The following SIK3 variants were observed in gnomAD, a reference collection of about 807,000 sequenced individuals.
The protein encoded by SIK3 is SIK family kinase 3, also known as serine/threonine-protein kinase SIK3.
In SIK3, 28 loss-of-function variants were observed where a neutral mutation model predicts 144.2. The observed-to-expected ratio is 0.19, with a 90% CI of 0.14 to 0.27. The LOEUF is 0.27. Ranked by LOEUF, SIK3 falls within the 10% of genes least tolerant of loss-of-function variation. The probability of loss-of-function intolerance (pLI) is 1.00; values close to 1 mark genes in which losing one functional copy is unlikely to be tolerated. For missense variants in SIK3, 1,319 were observed against 1,776.0 expected (o/e 0.74, Z 4.62); for synonymous variants, 686 against 676.3 (o/e 1.01, Z -0.22).
chr11:117,017,035 G>A (rs12786797), intron 1 of SIK3, among the ~76,000 whole-genome samples: 23,707 of 152,166 alleles, frequency 0.16, 2,442 homozygotes, highest in Non-Finnish European at 0.23. Flanking sequence ...ATTATATAAC[G>A]CTAAAAACTA....
intron 1 of SIK3, among the ~76,000 whole-genome samples, chr11:117,058,155 G>C (rs1335474913): frequency 6.6e-6 from 1 of 152,114 alleles, no homozygotes; most frequent in African/African-American, 2.4e-5. Context: ...ATCTGAAAAA[G>C]GGCCAGTGAA....
intron 21 of SIK3, among the ~76,000 whole-genome samples, chr11:116,852,422 G>A (rs1942535840): frequency 6.6e-6 from 1 of 152,184 alleles, no homozygotes; most frequent in Admixed American, 6.5e-5. Context: ...CCTCAGCCAA[G>A]CTGGAGTTGA....
chr11:116,889,726 T>G (rs1223044799), intron 6 of SIK3, among the ~76,000 whole-genome samples: 1 of 152,036 alleles, frequency 6.6e-6, no homozygotes, highest in Admixed American at 6.6e-5. Context: ...TAAGATCCCA[T>G]CTCTACAAAA....
chr11:117,020,404 A>G (rs371957569), intron 1 of SIK3, among the ~76,000 whole-genome samples: 2 of 152,012 alleles, frequency 1.3e-5, no homozygotes, highest in African/African-American at 4.8e-5. Flanking sequence ...TTTGCTATTT[A>G]TAACAAGCCC....
In SIK3 at chr11:116,890,756, G is replaced by A. The variant is rs1189711355; in HGVS notation, c.865+5497C>T. Among the ~76,000 whole-genome samples the A allele has an allele frequency of 1.1e-4, 17 of 152,170 alleles. No individual in the cohort carries two copies. In the East Asian group the frequency reaches 3.3e-3, roughly 29 times the overall value. ...ATACAGGAGTGGGTGGAGTGGGGTG[G>A]GATAGGGAAGATGTATTCTCGGCAG... On this transcript the variant is annotated intron_variant, in intron 6 of 24. Transcript: ENST00000445177.
chr11:116,884,560 C>T (rs575603862), intron 6 of SIK3, among the ~76,000 whole-genome samples: 3 of 151,674 alleles, frequency 2.0e-5, no homozygotes, highest in Admixed American at 6.6e-5. Context: ...GGGGTTTCAC[C>T]GTGTTAGCCA....
Position 117,070,504 on chromosome 11 carries a change from T to C in SIK3, c.273+27639A>G, listed in dbSNP as rs190590981. On this transcript the variant is annotated intron_variant, in intron 1 of 24. Transcript: ENST00000445177. ...TCTTGTCGCCCAGGCTGGAGTGCAA[T>C]GGCACGATCTCGGCTCACTGCAACC... Among the ~76,000 whole-genome samples, 1,435 of 151,676 alleles carry C rather than the reference T, an allele frequency of 9.5e-3. 26 individuals are homozygous for C. The highest frequency in any genetic ancestry group is 0.033 in the African/African-American group (1,362 of 41,388).
intron 1 of SIK3, among the ~76,000 whole-genome samples, chr11:117,032,685 T>G (rs1302153293): frequency 6.6e-6 from 1 of 151,676 alleles, no homozygotes; most frequent in Non-Finnish European, 1.5e-5. Flanking sequence ...TTTTTTTTTT[T>G]TTTTTAAAAG....
chr11:116,846,124 G>A lies in SIK3; in HGVS notation c.*13+259C>T, dbSNP rs981898845. On this transcript the variant is annotated intron_variant, in intron 24 of 24. Coordinates refer to ENST00000445177, the MANE Select transcript of SIK3 (RefSeq NM_001366686.3). This position sits in a 1 kb window ranked among gnomAD's most constrained non-coding sequence, Gnocchi z 4.1. ...GAAGGCTAGAGCACCTGTAACACAC[G>A]GCGAGTCTTGTGTCTTATTCCCATA... Among the ~76,000 whole-genome samples, 3 of 152,180 alleles carry A rather than the reference G, an allele frequency of 2.0e-5. No homozygotes were observed. Among genetic ancestry groups the A allele is most frequent in the South Asian group, 4.2e-4 (2 of 4,818 alleles).
At chr11:117,059,765 A>G (rs1346254592) in intron 1 of SIK3, among the ~76,000 whole-genome samples, 1 of 152,232 alleles carries the variant, frequency 6.6e-6, no homozygotes, top group Non-Finnish European at 1.5e-5. Context: ...GCTAAACATC[A>G]TATGTTACTA....
Position 117,023,621 on chromosome 11 carries a change from A to AATATATATATATAT in SIK3, c.274-66571_274-66558dup, listed in dbSNP as rs1555131639. ...ACAAACAAACAAACAAAAAAAAAAA[A>AATATATATATATAT]ATATATATATATATATATATATATT... On this transcript the variant is annotated intron_variant, in intron 1 of 24. Coordinates refer to ENST00000445177, the MANE Select transcript of SIK3 (RefSeq NM_001366686.3). 1.3e-3 allele frequency among the ~76,000 whole-genome samples: 127 copies of AATATATATATATAT among 95,334 alleles called. 1 individual carries two copies. Among genetic ancestry groups the AATATATATATATAT allele is most frequent in the African/African-American group, 5.2e-3 (119 of 22,964 alleles). The allele number at this position is 95,334 out of a possible 152,430, so 62.5% of individuals were successfully genotyped here.
intron 4 of SIK3, among the ~76,000 whole-genome samples, chr11:116,915,810 T>C (rs1362805474): frequency 6.6e-6 from 1 of 152,240 alleles, no homozygotes; most frequent in East Asian, 1.9e-4. Context: ...TCAACATTAG[T>C]GTTCTTTATG....
At chr11:116,876,646 C>A (rs1326513404) in intron 7 of SIK3, among the ~76,000 whole-genome samples, 1 of 152,168 alleles carries the variant, frequency 6.6e-6, no homozygotes, top group Non-Finnish European at 1.5e-5. Context: ...AGGCGACATC[C>A]CCATGGTAGG....
intron 1 of SIK3, among the ~76,000 whole-genome samples, chr11:117,094,802 C>T (rs1955398552): frequency 6.6e-6 from 1 of 151,548 alleles, no homozygotes; most frequent in Non-Finnish European, 1.5e-5. Context: ...CAGAGAACCT[C>T]AGGCTAAGTA....
rs139733873 is a variant in SIK3 at position 116,884,844 on chromosome 11, A to G, written c.866-7802T>C. ...ACACAACCTTGGAACTTAACCTATGACAGCACTGACTGCAGTAAGATCCGA... is the reference window on the plus strand; with the variant it reads ...ACACAACCTTGGAACTTAACCTATGGCAGCACTGACTGCAGTAAGATCCGA... On this transcript the variant is annotated intron_variant, in intron 6 of 24. Coordinates refer to ENST00000445177, the MANE Select transcript of SIK3 (RefSeq NM_001366686.3). Among the ~76,000 whole-genome samples, 633 of 152,302 alleles carry G rather than the reference A, an allele frequency of 4.2e-3. 10 individuals are homozygous for G. Among genetic ancestry groups the G allele is most frequent in the Admixed American group, 0.024 (366 of 15,292 alleles).
intron 1 of SIK3, among the ~76,000 whole-genome samples, chr11:116,983,189 T>C (rs1435867821): frequency 7.4e-5 from 11 of 148,246 alleles, no homozygotes; most frequent in Admixed American, 2.7e-4. Flanking sequence ...ATTCGGCCAC[T>C]GCACACCAGC....
chr11:117,087,151 G>A (rs990735094), intron 1 of SIK3, among the ~76,000 whole-genome samples: 1 of 152,058 alleles, frequency 6.6e-6, no homozygotes, highest in Non-Finnish European at 1.5e-5. Context: ...AGTAAAAGGT[G>A]AGACTTGGCC....
intron 1 of SIK3, among the ~76,000 whole-genome samples, chr11:117,005,829 T>G (rs918827803): frequency 1.3e-5 from 2 of 152,154 alleles, no homozygotes; most frequent in Non-Finnish European, 2.9e-5. Context: ...ATATCCAGCA[T>G]GTTAAACACT....
chr11:117,054,872 G>C (rs577665818), intron 1 of SIK3, among the ~76,000 whole-genome samples: 1 of 152,178 alleles, frequency 6.6e-6, no homozygotes, highest in Non-Finnish European at 1.5e-5. Context: ...AGGCAGACAG[G>C]CAAAGCTATC....
Sources: gnomAD v4.1 joint callset for allele counts (sites outside exome capture counted in the v4.1 genomes callset) on GRCh38, gnomAD v4.1.1 for gene constraint, Gnocchi (gnomAD v3.1) non-coding constraint, MANE v1.5 for transcripts, NCBI Gene and HGNC (gene_info 2026-07-23, HGNC 2026-07-21) for gene names.